SREBF2: variants seen among roughly 807,000 people sequenced by gnomAD.
The protein encoded by SREBF2 is sterol regulatory element-binding protein 2.
SREBF2 carries 55 observed loss-of-function variants against 113.1 expected under a neutral mutation model. The observed-to-expected ratio is 0.49, with a 90% CI of 0.39 to 0.61. The LOEUF (loss-of-function observed/expected upper bound fraction) is 0.61. SREBF2 is among the 20% of genes least tolerant of loss of function. The pLI is 0.00. For missense variants in SREBF2, 1,349 were observed against 1,487.4 expected, an observed-to-expected ratio of 0.91 and a Z score of 1.53; for synonymous variants, 593 against 605.7, an observed-to-expected ratio of 0.98 and a Z score of 0.31.
At chr22:41,863,408 A>T (rs938713254) in intron 1 of SREBF2, among the ~76,000 whole-genome samples, 23 of 152,258 alleles carry the variant, frequency 1.5e-4, no homozygotes, top group African/African-American at 5.3e-4. Context: ...TCTGTGTTAC[A>T]GCCCTCTGTA....
chr22:41,885,392 A>G (rs558051372), intron 11 of SREBF2, among the ~76,000 whole-genome samples: 1 of 152,334 alleles, frequency 6.6e-6, no homozygotes, highest in South Asian at 2.1e-4. Context: ...TGGTTCTTTC[A>G]TTTACTCAGA....
Position 41,871,651 on chromosome 22 carries a change from G to T in SREBF2, c.867+616G>T, listed in dbSNP as rs956399186. Reference sequence around the variant, plus strand: ...TCACGCCTGTAATCTCAGCACTTTGGGAGGCCAAGAGGGGTGGATCACCTG... The same window carrying T: ...TCACGCCTGTAATCTCAGCACTTTGTGAGGCCAAGAGGGGTGGATCACCTG... On this transcript the variant is annotated intron_variant, in intron 4 of 18. Coordinates refer to ENST00000361204, the MANE Select transcript of SREBF2 (RefSeq NM_004599.4). Among the ~76,000 whole-genome samples the T allele has an allele frequency of 2.0e-5, 3 of 152,084 alleles. No individual in the cohort carries two copies. The East Asian group carries it at 5.8e-4, about 29-fold the overall frequency.
At chr22:41,851,168 A>G (rs1033550888) in intron 1 of SREBF2, among the ~76,000 whole-genome samples, 2 of 152,196 alleles carry the variant, frequency 1.3e-5, no homozygotes, top group African/African-American at 2.4e-5. Context: ...TTTCAGTAAT[A>G]TTACCTTCTG....
At position 41,871,176 on chromosome 22, in the gene SREBF2, CCT is replaced by C. The variant is rs2148383445; in HGVS notation, c.867+144_867+145del. 5 of 1,191,622 alleles carry C rather than the reference CCT, an allele frequency of 4.2e-6. No homozygotes were observed. The East Asian group carries it at 1.2e-4, about 30-fold the overall frequency. 73.8% of individuals were successfully genotyped at this position (1,191,622 alleles called of 1,614,324 possible). On this transcript the variant is annotated intron_variant, in intron 4 of 18. Transcript: ENST00000361204. ...AATCAGTCAAATTGTAAATGTCACC[CCT>C]CTTAGTTGTTTTTCGCTCGAAAAAG...
At chr22:41,896,606 G>A (rs986628319) in intron 13 of SREBF2, among the ~76,000 whole-genome samples, 5 of 152,208 alleles carry the variant, frequency 3.3e-5, no homozygotes, top group Non-Finnish European at 4.4e-5. Flanking sequence ...TGATCTGCCT[G>A]CCTTGGCCTC....
intron 16 of SREBF2, among the ~76,000 whole-genome samples, chr22:41,902,174 A>T (rs531003844): frequency 1.3e-5 from 2 of 152,320 alleles, no homozygotes; most frequent in Admixed American, 1.3e-4. Context: ...GAGGGAGTTC[A>T]TCAGGACCGG....
intron 10 of SREBF2, among the ~76,000 whole-genome samples, chr22:41,882,126 T>C (rs1269516848): frequency 2.0e-5 from 3 of 151,732 alleles, no homozygotes; most frequent in Non-Finnish European, 4.4e-5. Flanking sequence ...AGAGGCCAAA[T>C]AGAAGCTGAT....
chr22:41,861,648 C>T (rs1348368520), intron 1 of SREBF2, among the ~76,000 whole-genome samples: 6 of 152,194 alleles, frequency 3.9e-5, no homozygotes, highest in African/African-American at 9.6e-5. Context: ...CAGGGCCAGG[C>T]GCAGTGGCTC....
intron 16 of SREBF2, 47 bp from the exon 17 acceptor site, chr22:41,902,923 G>A: frequency 1.9e-6 from 3 of 1,575,390 alleles, no homozygotes; most frequent in Non-Finnish European, 2.6e-6. Flanking sequence ...CTTGCCTCAG[G>A]GATGGGCCAG....
intron 1 of SREBF2, among the ~76,000 whole-genome samples, chr22:41,864,968 A>C (rs967311325): frequency 4.6e-5 from 7 of 151,690 alleles, no homozygotes; most frequent in Admixed American, 3.9e-4. Flanking sequence ...AAAGAGAGAC[A>C]GAGTCTCGCT....
intron 9 of SREBF2, 149 bp downstream of exon 9, chr22:41,878,272 G>C: frequency 1.0e-6 from 1 of 991,838 alleles, no homozygotes; most frequent in Admixed American, 2.0e-5. Flanking sequence ...TGGAGTGGGC[G>C]CCTCTGCATA....
At chr22:41,856,702 A>G (rs2076980597) in intron 1 of SREBF2, among the ~76,000 whole-genome samples, 1 of 152,190 alleles carries the variant, frequency 6.6e-6, no homozygotes, top group Admixed American at 6.5e-5. Flanking sequence ...ATGATGAACT[A>G]AAGTGGGTGG....
chr22:41,864,307 ATG>A lies in SREBF2; in HGVS notation c.89-2522_89-2521del, dbSNP rs1569386209. ...ACAAAATATCAAAATATATATATAT[ATG>A]TATATATATATATATTTTTTTTTTT... On this transcript the variant is annotated intron_variant, in intron 1 of 18. Transcript: ENST00000361204. Among the ~76,000 whole-genome samples, 80 of 106,118 alleles carry A rather than the reference ATG, an allele frequency of 7.5e-4. 1 individual carries two copies. Among genetic ancestry groups the A allele is most frequent in the African/African-American group, 3.1e-3 (74 of 24,254 alleles). 69.6% of individuals were successfully genotyped at this position (106,118 alleles called of 152,430 possible). A position where few individuals can be genotyped will look rare whatever the true frequency, so the allele number is the denominator to read the frequency against.
Position 41,833,371 on chromosome 22 carries a change from TG to T in SREBF2, c.88+16del. 2.1e-5 allele frequency: 6 copies of T among 288,428 alleles called. No homozygotes were observed. The highest frequency in any genetic ancestry group is 4.2e-5 in the Non-Finnish European group (6 of 142,864). The allele number at this position is 288,428 out of a possible 1,614,324, so 17.9% of individuals were successfully genotyped here. On this transcript the variant is annotated intron_variant, in intron 1 of 18. Transcript: ENST00000361204. The surrounding 1 kb of genome is among the most constrained non-coding windows in gnomAD (Gnocchi z 4.1). ...GGAGACATCGACGGTGAGTGGTGGG[TG>T]GGTGGGAGTGCGGGGGCCGCGCGGG...
At chr22:41,861,688 C>T (rs936163858) in intron 1 of SREBF2, among the ~76,000 whole-genome samples, 1 of 152,028 alleles carries the variant, frequency 6.6e-6, no homozygotes, top group Non-Finnish European at 1.5e-5. Context: ...TTTGAGAGGC[C>T]GAGGTAGGCG....
chr22:41,849,980 A>C (rs902472199), intron 1 of SREBF2, among the ~76,000 whole-genome samples: 1 of 148,756 alleles, frequency 6.7e-6, no homozygotes, highest in Non-Finnish European at 1.5e-5. Context: ...CTGTTAAAAA[A>C]ATACAAAAAA....
At chr22:41,871,419 C>T (rs970835366) in intron 4 of SREBF2, among the ~76,000 whole-genome samples, 1 of 152,134 alleles carries the variant, frequency 6.6e-6, no homozygotes, top group African/African-American at 2.4e-5. Flanking sequence ...GTTGTAGGTT[C>T]TTAGCCACTT....
intron 11 of SREBF2, among the ~76,000 whole-genome samples, chr22:41,888,695 C>G (rs1012203440): frequency 1.3e-5 from 2 of 152,290 alleles, no homozygotes; most frequent in Admixed American, 6.5e-5. Flanking sequence ...ACATTTTTGT[C>G]CATTGTCTTC....
intron 1 of SREBF2, among the ~76,000 whole-genome samples, chr22:41,855,588 T>G (rs1238409050): frequency 6.6e-6 from 1 of 152,200 alleles, no homozygotes; most frequent in Non-Finnish European, 1.5e-5. Flanking sequence ...GGTTTTCTTT[T>G]CTACCAGACA....
Sources: gnomAD v4.1 joint callset for allele counts (sites outside exome capture counted in the v4.1 genomes callset) on GRCh38, gnomAD v4.1.1 for gene constraint, Gnocchi (gnomAD v3.1) non-coding constraint, MANE v1.5 for transcripts, NCBI Gene and HGNC (gene_info 2026-07-23, HGNC 2026-07-21) for gene names.